CENPL: variants seen among roughly 807,000 people sequenced by gnomAD.
CENPL encodes interphase centromere complex protein 33.
A neutral mutation model predicts 35.2 loss-of-function variants in CENPL; 20 were observed. The observed-to-expected ratio is 0.57, with a 90% confidence interval of 0.40 to 0.83. CENPL has a LOEUF of 0.83. Ranked by LOEUF, CENPL falls within the 40% of genes least tolerant of loss-of-function variation. CENPL has a pLI of 0.00. For synonymous variants in CENPL, 140 were observed against 140.6 expected (o/e 1.00, Z 0.03); for missense variants, 363 against 395.8 (o/e 0.92, Z 0.70).
At chr1:173,810,484 A>ACCTGCACAT (rs1650703731) in intron 3 of CENPL, among the ~76,000 whole-genome samples, 3 of 152,186 alleles carry the variant, frequency 2.0e-5, no homozygotes, top group Non-Finnish European at 4.4e-5. Context: ...TAGAAAACAA[A>ACCTGCACAT]CCTGCACATC....
intron 2 of CENPL, among the ~76,000 whole-genome samples, chr1:173,815,994 G>A (rs1651334846): frequency 6.6e-6 from 1 of 152,144 alleles, no homozygotes; most frequent in Non-Finnish European, 1.5e-5. Flanking sequence ...CAAAGTCTCA[G>A]GATACAAAAT....
Position 173,802,983 on chromosome 1 carries a change from G to T in CENPL, c.943C>A (p.His315Asn). Residue 315 changes from histidine to asparagine, a missense_variant, in exon 5 of 6, where the codon CAT becomes AAT. His to Asn is a moderately conservative substitution (Grantham distance 68, BLOSUM62 1). Transcript: ENST00000682279. ...VRVSTSVASA[H>N]TDGKIKILCH... ...CTAACCTTTATTTTTCCATCAGTAT[G>T]TGCTGAAGCTACAGATGTTGAAACA... 1 of 1,610,346 alleles carries T rather than the reference G, an allele frequency of 6.2e-7. No homozygotes were observed. Among genetic ancestry groups the T allele is most frequent in the Non-Finnish European group, 8.5e-7 (1 of 1,177,278 alleles).
rs751817930 is a variant in CENPL at position 173,803,365 on chromosome 1, A to C, written c.561T>G (p.Asn187Lys). The change falls in exon 5 of 6, where the codon AAT (asparagine) becomes AAG (lysine). Residue 187 changes from asparagine (N) to lysine (K), a missense_variant. Asn to Lys is a moderately conservative substitution (Grantham distance 94). Coordinates refer to ENST00000682279, the MANE Select transcript of CENPL (RefSeq NM_001387287.1). The stretch of plus-strand genomic sequence containing the variant: ...TTATTGCTGTGTTAGACTCTGCTCC[A>C]TTTGCAAGGAATAAGGGCAGACAGG... ...DFTCLPLFLA[N>K]GAESNTAIIG... The C allele has an allele frequency of 5.0e-6, 8 of 1,613,996 alleles. No individual in the cohort carries two copies. Among genetic ancestry groups the C allele is most frequent in the Admixed American group, 1.7e-5 (1 of 59,996 alleles).
intron 5 of CENPL, among the ~76,000 whole-genome samples, chr1:173,801,929 A>C (rs1425622231): frequency 6.6e-6 from 1 of 152,000 alleles, no homozygotes; most frequent in Non-Finnish European, 1.5e-5. Flanking sequence ...AGGCTGAGGC[A>C]CGAGAATCGC....
intron 2 of CENPL, chr1:173,821,695 T>C (rs1419891305): frequency 2.0e-5 from 3 of 152,016 alleles, no homozygotes; most frequent in Non-Finnish European, 4.4e-5. Flanking sequence ...GTTATTAATA[T>C]ACCTTGGCTC....
chr1:173,811,692 C>A (rs1433765093), intron 2 of CENPL, among the ~76,000 whole-genome samples: 1 of 152,202 alleles, frequency 6.6e-6, no homozygotes, highest in African/African-American at 2.4e-5. Flanking sequence ...TCTGTCTAAT[C>A]CAGTTCCAAG....
chr1:173,803,024 G>A lies in CENPL; in HGVS notation c.902C>T (p.Ala301Val). ...TGTTGAAACACGAACTAATCTTGTG[G>A]CTGATAAATGAATTTTGAAATGTCT... is the stretch of plus-strand genomic sequence containing the variant. ...FHRHFKIHLS[A>V]TRLVRVSTSV... Residue 301 changes from alanine to valine, a missense_variant, in exon 5 of 6, where the codon GCC becomes GTC. Ala to Val is a moderately conservative substitution (Grantham distance 64, BLOSUM62 0). Coordinates refer to ENST00000682279, the MANE Select transcript of CENPL (RefSeq NM_001387287.1). The A allele has an allele frequency of 6.2e-7, 1 of 1,613,588 alleles. No individual in the cohort carries two copies. Among genetic ancestry groups the A allele is most frequent in the Non-Finnish European group, 8.5e-7 (1 of 1,179,532 alleles).
chr1:173,804,950 T>C (rs1650073664), intron 4 of CENPL, among the ~76,000 whole-genome samples: 1 of 152,208 alleles, frequency 6.6e-6, no homozygotes, highest in Non-Finnish European at 1.5e-5. Flanking sequence ...TTCAAGAAAT[T>C]ATGAAAGACT....
chr1:173,822,233 G>A (rs183860378), intron 2 of CENPL: 2 of 152,056 alleles, frequency 1.3e-5, no homozygotes, highest in East Asian at 3.9e-4. Context: ...CATTGTTTTT[G>A]CCAAAACCAT....
At chr1:173,806,735 A>C (rs1046932569) in intron 4 of CENPL, among the ~76,000 whole-genome samples, 1 of 152,014 alleles carries the variant, frequency 6.6e-6, no homozygotes, top group Non-Finnish European at 1.5e-5. Flanking sequence ...GTTGCCCAGG[A>C]TGGTCTCAAA....
chr1:173,812,596 A>C (rs1227076887), intron 2 of CENPL, among the ~76,000 whole-genome samples: 2 of 152,234 alleles, frequency 1.3e-5, no homozygotes, highest in African/African-American at 4.8e-5. Flanking sequence ...GACTGACAGA[A>C]GGAAAACTAA....
intron 5 of CENPL, among the ~76,000 whole-genome samples, chr1:173,802,022 CAA>C (rs58015799): frequency 7.4e-6 from 1 of 135,360 alleles, no homozygotes; most frequent in Non-Finnish European, 1.6e-5. Flanking sequence ...GATTCTGTCT[CAA>C]AAAAAAAAAC....
chr1:173,816,152 A>C (rs1028822608), intron 2 of CENPL, among the ~76,000 whole-genome samples: 15 of 152,174 alleles, frequency 9.9e-5, no homozygotes, highest in African/African-American at 3.6e-4. Context: ...CTTCAAGGAG[A>C]ACTACAAACC....
At chr1:173,814,139 T>C (rs548786786) in intron 2 of CENPL, among the ~76,000 whole-genome samples, 1 of 152,236 alleles carries the variant, frequency 6.6e-6, no homozygotes, top group African/African-American at 2.4e-5. Flanking sequence ...ACCATATATA[T>C]GTATATATAT....
At chr1:173,816,981 T>C (rs1302235640) in intron 2 of CENPL, among the ~76,000 whole-genome samples, 3 of 151,796 alleles carry the variant, frequency 2.0e-5, no homozygotes, top group Non-Finnish European at 4.4e-5. Flanking sequence ...CTACTAAAAA[T>C]ACAAAAATTA....
Position 173,807,420 on chromosome 1 carries a change from T to C in CENPL, c.267A>G (p.Lys89=). Residue 89 remains lysine (K), a synonymous_variant, in exon 4 of 6, where the codon AAA becomes AAG. Coordinates refer to ENST00000682279, the MANE Select transcript of CENPL (RefSeq NM_001387287.1). ...PLYKFSYSNL[K]EYSRLLNAFI... ...AAGCATTGAGAAGTCTAGAATACTC[T>C]TTGAGATTACTATAGGAGAATTTAT... 3 of 1,612,368 alleles carry C rather than the reference T, an allele frequency of 1.9e-6. No individual in the cohort carries two copies. Among genetic ancestry groups the C allele is most frequent in the Non-Finnish European group, 2.5e-6 (3 of 1,178,814 alleles).
At chr1:173,819,724 G>C (rs1423841719) in intron 2 of CENPL, among the ~76,000 whole-genome samples, 1 of 152,040 alleles carries the variant, frequency 6.6e-6, no homozygotes, top group African/African-American at 2.4e-5. Flanking sequence ...GAGTCTCACT[G>C]TTGTTGGCCT....
intron 2 of CENPL, among the ~76,000 whole-genome samples, chr1:173,815,720 C>A (rs186069388): frequency 3.8e-4 from 58 of 152,162 alleles, no homozygotes; most frequent in African/African-American, 8.9e-4. Flanking sequence ...ACAAACCCAC[C>A]GCCAATATCA....
At position 173,807,348 on chromosome 1, in the gene CENPL, T is replaced by G; in HGVS notation, c.339A>C (p.Glu113Asp). The change falls in exon 4 of 6, where the codon GAA (glutamate) becomes GAC (aspartate). Residue 113 changes from glutamate to aspartate, a missense_variant. Coordinates refer to ENST00000682279, the MANE Select transcript of CENPL (RefSeq NM_001387287.1). Reference sequence around the variant, plus strand: ...AAAAAATCACTTTGATGTTGAAGTCTTCTCCCACTTCCACAGCAAGTCCTT... The same window carrying G: ...AAAAAATCACTTTGATGTTGAAGTCGTCTCCCACTTCCACAGCAAGTCCTT... Reference protein sequence around the residue: ...KQKGLAVEVGEDFNIKVIFST... With the variant: ...KQKGLAVEVGDDFNIKVIFST... The G allele has an allele frequency of 6.2e-7, 1 of 1,613,780 alleles. No individual in the cohort carries two copies. Among genetic ancestry groups the G allele is most frequent in the Non-Finnish European group, 8.5e-7 (1 of 1,179,770 alleles).
Sources: allele counts gnomAD v4.1 joint callset (sites outside exome capture counted in the v4.1 genomes callset), GRCh38; gene constraint gnomAD v4.1.1; transcripts MANE v1.5; gene names NCBI Gene and HGNC (gene_info 2026-07-23, HGNC 2026-07-21).